The following CYP20A1 variants were observed in gnomAD, a reference collection of about 807,000 sequenced individuals.
The protein encoded by CYP20A1 is cytochrome P450 20A1.
In CYP20A1, 61 loss-of-function variants were observed where a neutral mutation model predicts 61.4. The ratio of observed to expected loss-of-function variants is 0.99; its 90% confidence interval spans 0.81 to 1.23. The LOEUF is 1.23. Ranked by LOEUF, CYP20A1 falls within the 50% of genes most tolerant of loss-of-function variation. The probability of loss-of-function intolerance (pLI) is 0.00; values close to 1 mark genes in which losing one functional copy is unlikely to be tolerated. For missense variants in CYP20A1, 530 were observed against 542.4 expected (o/e 0.98, Z 0.23); for synonymous variants, 193 against 188.2 (o/e 1.03, Z -0.21).
rs771381812 is a variant in CYP20A1 at position 203,305,730 on chromosome 2, C to A, written c.*8822C>A. On this transcript the variant is annotated 3_prime_UTR_variant, in exon 13 of 13. Transcript: ENST00000356079. Reference sequence around the variant, plus strand: ...TACCATTGTAACTATGTCATAAAGTCATAAAGTACCTGTCCCCAAAAAGGC... The same window carrying A: ...TACCATTGTAACTATGTCATAAAGTAATAAAGTACCTGTCCCCAAAAAGGC... 6.6e-6 allele frequency: 1 copy of A among 152,114 alleles called. No homozygotes were observed. The highest frequency in any genetic ancestry group is 1.5e-5 in the Non-Finnish European group (1 of 68,016). 9.4% of individuals were successfully genotyped at this position (152,114 alleles called of 1,614,324 possible). A position where few individuals can be genotyped will look rare whatever the true frequency, so the allele number is the denominator to read the frequency against.
chr2:203,282,363 C>T (rs1027455127), intron 8 of CYP20A1, among the ~76,000 whole-genome samples: 19 of 151,762 alleles, frequency 1.3e-4, no homozygotes, highest in Non-Finnish European at 2.2e-4. Context: ...TTTGTTTGGT[C>T]CAGTGGTGCA....
chr2:203,255,424 T>C (rs2066858173), intron 4 of CYP20A1, among the ~76,000 whole-genome samples: 1 of 152,224 alleles, frequency 6.6e-6, no homozygotes, highest in South Asian at 2.1e-4. Flanking sequence ...ATTATTATTA[T>C]GAGATTTTTC....
chr2:203,292,290 T>G lies in CYP20A1; in HGVS notation c.1112T>G (p.Val371Gly), dbSNP rs2068571094. 6.2e-7 allele frequency: 1 copy of G among 1,613,344 alleles called. No individual in the cohort carries two copies. Among genetic ancestry groups the G allele is most frequent in the Non-Finnish European group, 8.5e-7 (1 of 1,179,474 alleles). ...CTCGTCCTTTATGCCCTTGGTGTGG[T>G]ACTTCAGGATCCTAATACTTGGCCA... ...ETLVLYALGV[V>G]LQDPNTWPSP... is the part of the protein sequence containing the mutation. The change falls in exon 11 of 13, where the codon GTA (valine) becomes GGA (glycine). Residue 371 changes from valine (V) to glycine (G), a missense_variant. Val to Gly is a moderately radical substitution (Grantham distance 109, BLOSUM62 -3). Transcript: ENST00000356079.
At chr2:203,256,959 A>G (rs552777110) in intron 4 of CYP20A1, among the ~76,000 whole-genome samples, 1 of 152,170 alleles carries the variant, frequency 6.6e-6, no homozygotes, top group East Asian at 1.9e-4. Flanking sequence ...GCTTCCCTCC[A>G]TGTACCATCT....
chr2:203,241,533 A>G (rs993700003), intron 1 of CYP20A1, among the ~76,000 whole-genome samples: 4 of 152,236 alleles, frequency 2.6e-5, no homozygotes, highest in Non-Finnish European at 4.4e-5. Context: ...AGCAAAGGAG[A>G]CTGAGAAGGA....
At chr2:203,257,235 G>A (rs1158492633) in intron 4 of CYP20A1, among the ~76,000 whole-genome samples, 2 of 151,002 alleles carry the variant, frequency 1.3e-5, no homozygotes, top group Admixed American at 1.3e-4. Flanking sequence ...CGGGAGGATC[G>A]CTTGAGCCTG....
At chr2:203,262,913 C>T (rs1485845727) in intron 4 of CYP20A1, among the ~76,000 whole-genome samples, 1 of 151,866 alleles carries the variant, frequency 6.6e-6, no homozygotes, top group Non-Finnish European at 1.5e-5. Flanking sequence ...CTCCTGACCT[C>T]GTGATCCGCC....
At chr2:203,273,602 C>T (rs1273388793) in intron 6 of CYP20A1, among the ~76,000 whole-genome samples, 14 of 152,088 alleles carry the variant, frequency 9.2e-5, no homozygotes, top group Non-Finnish European at 1.5e-5. Context: ...GATTTTGAGA[C>T]CAGCCTGGGC....
Position 203,303,904 on chromosome 2 carries a change from A to G in CYP20A1, c.*6996A>G, listed in dbSNP as rs1022983300. ...AAAAAAAAAAAAAAAACTTATTGAGAGAATAATATACCACTAATATTTAAA... is the reference window on the plus strand; with the variant it reads ...AAAAAAAAAAAAAAAACTTATTGAGGGAATAATATACCACTAATATTTAAA... On this transcript the variant is annotated 3_prime_UTR_variant, in exon 13 of 13. Transcript: ENST00000356079. Among the ~76,000 whole-genome samples, 5 of 149,244 alleles carry G rather than the reference A, an allele frequency of 3.4e-5. No homozygotes were observed. In the Admixed American group the frequency reaches 3.4e-4, roughly 10 times the overall value.
rs774506298 is a variant in CYP20A1 at position 203,239,103 on chromosome 2, C to T, written c.41C>T (p.Ala14Val). The T allele has an allele frequency of 1.2e-6, 2 of 1,613,698 alleles. No individual in the cohort carries two copies. The highest frequency in any genetic ancestry group is 1.6e-4 in the Middle Eastern group (1 of 6,062). ...ATCTTCGCCGTTACCTTCTTGCTGGCGTTGGTGGGAGCCGTGCTCTACCTC... is the reference window on the plus strand; with the variant it reads ...ATCTTCGCCGTTACCTTCTTGCTGGTGTTGGTGGGAGCCGTGCTCTACCTC... ...FAIFAVTFLL[A>V]LVGAVLYLYP... is the part of the protein sequence containing the mutation. Residue 14 changes from alanine to valine, a missense_variant, in exon 1 of 13, where the codon GCG (alanine) becomes GTG (valine). Ala to Val is a moderately conservative substitution (Grantham distance 64). Coordinates refer to ENST00000356079, the MANE Select transcript of CYP20A1 (RefSeq NM_177538.3).
intron 1 of CYP20A1, among the ~76,000 whole-genome samples, chr2:203,240,987 A>G (rs183174171): frequency 3.7e-4 from 57 of 152,352 alleles, no homozygotes; most frequent in African/African-American, 1.3e-3. Flanking sequence ...AAGCAAGCCA[A>G]GTAATTAGGA....
rs1178693301 is a variant in CYP20A1, at chr2:203,296,016, A to T, written c.1149-458A>T. 3.3e-5 allele frequency among the ~76,000 whole-genome samples: 5 copies of T among 152,186 alleles called. No homozygotes were observed. In the East Asian group the frequency reaches 9.6e-4, roughly 29 times the overall value. On this transcript the variant is annotated intron_variant, in intron 11 of 12. Coordinates refer to ENST00000356079, the MANE Select transcript of CYP20A1 (RefSeq NM_177538.3). ...TGGTTCACACACCTATAATCCCAGC[A>T]CTTCGAGAGATTGAGGCAGGAGGAT...
chr2:203,239,660 AG>A (rs2105882297), intron 1 of CYP20A1, among the ~76,000 whole-genome samples: 1 of 152,130 alleles, frequency 6.6e-6, no homozygotes, highest in East Asian at 1.9e-4. Flanking sequence ...TGCTCCTCTT[AG>A]GGGCTCCAGG....
At chr2:203,280,844 T>C (rs2068015703) in intron 8 of CYP20A1, among the ~76,000 whole-genome samples, 1 of 152,230 alleles carries the variant, frequency 6.6e-6, no homozygotes, top group South Asian at 2.1e-4. Context: ...AAAATTGCCA[T>C]AAATTTCTTG....
chr2:203,269,177 C>T (rs1156401478), intron 5 of CYP20A1, among the ~76,000 whole-genome samples: 1 of 152,042 alleles, frequency 6.6e-6, no homozygotes, highest in Non-Finnish European at 1.5e-5. Flanking sequence ...TACGATAGCT[C>T]ATGCCTGTAA....
At position 203,299,846 on chromosome 2, in the gene CYP20A1, C is replaced by T. The variant is rs1025938465; in HGVS notation, c.*2938C>T. Among the ~76,000 whole-genome samples, 8 of 152,068 alleles carry T rather than the reference C, an allele frequency of 5.3e-5. No individual in the cohort carries two copies. The highest frequency in any genetic ancestry group is 8.8e-5 in the Non-Finnish European group (6 of 68,030). On this transcript the variant is annotated 3_prime_UTR_variant, in exon 13 of 13. Coordinates refer to ENST00000356079, the MANE Select transcript of CYP20A1 (RefSeq NM_177538.3). ...CCAAGATCGCGCCATTGCACTCCAGCCTGGGCAACAAGAGTGAAACTCCGT... is the reference window on the plus strand; with the variant it reads ...CCAAGATCGCGCCATTGCACTCCAGTCTGGGCAACAAGAGTGAAACTCCGT...
At chr2:203,280,550 A>G (rs1292159311) in intron 8 of CYP20A1, among the ~76,000 whole-genome samples, 1 of 152,154 alleles carries the variant, frequency 6.6e-6, no homozygotes, top group East Asian at 1.9e-4. Context: ...TAAAAATAAC[A>G]ATTAGCTGGG....
chr2:203,294,052 C>G (rs779555923), intron 11 of CYP20A1, among the ~76,000 whole-genome samples: 3 of 151,980 alleles, frequency 2.0e-5, no homozygotes, highest in African/African-American at 7.3e-5. Context: ...GATGTAAACA[C>G]AGGCTCACTG....
chr2:203,260,388 A>G (rs1235493780), intron 4 of CYP20A1, among the ~76,000 whole-genome samples: 2 of 150,610 alleles, frequency 1.3e-5, no homozygotes, highest in African/African-American at 4.9e-5. Context: ...ACGCCCGGCT[A>G]ATTTTATATT....
Sources: gnomAD v4.1 joint callset for allele counts (sites outside exome capture counted in the v4.1 genomes callset) on GRCh38, gnomAD v4.1.1 for gene constraint, MANE v1.5 for transcripts, NCBI Gene and HGNC (gene_info 2026-07-23, HGNC 2026-07-21) for gene names.